The following STXBP5 variants were observed in gnomAD, a reference collection of about 807,000 sequenced individuals.
STXBP5 encodes syntaxin-binding protein 5.
In STXBP5, 50 loss-of-function variants were observed where a neutral mutation model predicts 152.4. The observed-to-expected ratio is 0.33, with a 90% CI of 0.26 to 0.42. STXBP5 has a LOEUF of 0.42. Ranked by LOEUF, STXBP5 falls within the 10% of genes least tolerant of loss-of-function variation. The probability of loss-of-function intolerance (pLI) is 1.00; values close to 1 mark genes in which losing one functional copy is unlikely to be tolerated. For missense variants in STXBP5, 1,167 were observed against 1,388.6 expected, an observed-to-expected ratio of 0.84 and a Z score of 2.54; for synonymous variants, 492 against 494.7, an observed-to-expected ratio of 0.99 and a Z score of 0.07.
intron 2 of STXBP5, among the ~76,000 whole-genome samples, chr6:147,213,064 C>T (rs1352560076): frequency 1.3e-5 from 2 of 152,038 alleles, no homozygotes; most frequent in Non-Finnish European, 2.9e-5. Context: ...GAGACTGTCT[C>T]TCTTGAATTG....
At chr6:147,373,663 A>T in intron 25 of STXBP5, 68 bp from the exon 26 acceptor site, 1 of 1,120,074 alleles carries the variant, frequency 8.9e-7, no homozygotes, top group Non-Finnish European at 1.4e-6. Context: ...GTTTACAGTG[A>T]TACTTTTGTT....
chr6:147,273,945 C>G (rs1272894126), intron 7 of STXBP5, among the ~76,000 whole-genome samples: 1 of 146,988 alleles, frequency 6.8e-6, no homozygotes, highest in African/African-American at 2.5e-5. Flanking sequence ...GAGCGAGACT[C>G]TGGCAAAAAA....
chr6:147,363,348 G>A lies in STXBP5; in HGVS notation c.2559G>A (p.Arg853=), dbSNP rs750530435. ...TCTATATTTTAGGTACTATATTGAG[G>A]TTAAAAGGTGCAATCTTGAGAATGG... ...VIVSPSGTIL[R]LKGAILRMAF... is the part of the protein sequence containing the mutation. Residue 853 remains arginine, a synonymous_variant, in exon 24 of 28, where the codon AGG becomes AGA. Transcript: ENST00000321680. 1 of 1,597,958 alleles carries A rather than the reference G, an allele frequency of 6.3e-7. No homozygotes were observed. Among genetic ancestry groups the A allele is most frequent in the East Asian group, 2.2e-5 (1 of 44,792 alleles).
At chr6:147,349,403 G>T (rs907622454) in intron 21 of STXBP5, among the ~76,000 whole-genome samples, 1 of 152,142 alleles carries the variant, frequency 6.6e-6, no homozygotes, top group Non-Finnish European at 1.5e-5. Context: ...TATCTTGCTC[G>T]TTCTAACAGT....
intron 4 of STXBP5, among the ~76,000 whole-genome samples, chr6:147,241,041 A>G (rs954199538): frequency 3.3e-5 from 5 of 152,198 alleles, no homozygotes; most frequent in Non-Finnish European, 5.9e-5. Flanking sequence ...TTACTGTATT[A>G]TGATACCCAA....
chr6:147,324,275 T>G (rs1207186260), intron 16 of STXBP5, among the ~76,000 whole-genome samples: 1 of 126,516 alleles, frequency 7.9e-6, no homozygotes, highest in East Asian at 2.1e-4. Flanking sequence ...TTTTTTTTTT[T>G]TTTTTTTTTT....
chr6:147,320,259 A>C (rs2128379716), intron 16 of STXBP5, among the ~76,000 whole-genome samples: 1 of 152,266 alleles, frequency 6.6e-6, no homozygotes, highest in African/African-American at 2.4e-5. Context: ...GTTTCCTGGT[A>C]CTGACTGACC....
intron 23 of STXBP5, 140 bp from the exon 24 acceptor site, chr6:147,363,195 A>T: frequency 1.1e-6 from 1 of 883,982 alleles, no homozygotes; most frequent in Non-Finnish European, 1.6e-6. Context: ...TTAAAGTCCG[A>T]ATCCTGTCAA....
intron 7 of STXBP5, 33 bp downstream of exon 7, chr6:147,267,200 C>T (rs770302779): frequency 7.2e-6 from 11 of 1,530,114 alleles, no homozygotes; most frequent in Non-Finnish European, 8.8e-6. Context: ...AAGCTATGGT[C>T]ATTTCTCTCA....
At chr6:147,226,461 C>T (rs1178097027) in intron 2 of STXBP5, among the ~76,000 whole-genome samples, 1 of 152,136 alleles carries the variant, frequency 6.6e-6, no homozygotes, top group Non-Finnish European at 1.5e-5. Context: ...TGTTTGAAGG[C>T]CTTCCACACT....
rs1782640481 is a variant in STXBP5, at chr6:147,316,265, G to C, written c.1660G>C (p.Val554Leu). The C allele has an allele frequency of 6.2e-7, 1 of 1,613,868 alleles. No homozygotes were observed. Among genetic ancestry groups the C allele is most frequent in the Non-Finnish European group, 8.5e-7 (1 of 1,179,986 alleles). ...EVRLLYEIND[V>L]ETPEGEQPPP... ...TCGATTATTATATGAGATAAATGAT[G>C]TGGAAACTCCGGAGGGTGAGCAGCC... The change falls in exon 16 of 28, where the codon GTG becomes CTG. Residue 554 changes from valine to leucine, a missense_variant. Around this residue, in one of 3 missense-constraint regions of STXBP5, gnomAD observed 833 missense variants for 986.3 expected, o/e 0.84. Transcript: ENST00000321680.
chr6:147,310,506 C>T (rs184451083), intron 10 of STXBP5, among the ~76,000 whole-genome samples: 12 of 148,954 alleles, frequency 8.1e-5, no homozygotes, highest in African/African-American at 2.2e-4. Flanking sequence ...TCTCCATAGA[C>T]GCACACACTC....
intron 2 of STXBP5, among the ~76,000 whole-genome samples, chr6:147,218,579 C>G (rs975092199): frequency 2.0e-5 from 3 of 151,976 alleles, no homozygotes; most frequent in Non-Finnish European, 2.9e-5. Context: ...CTCCTGGGCT[C>G]GAGCAATCCT....
At chr6:147,208,761 CTT>C (rs1471299944) in intron 2 of STXBP5, among the ~76,000 whole-genome samples, 2 of 152,048 alleles carry the variant, frequency 1.3e-5, no homozygotes, top group African/African-American at 4.8e-5. Flanking sequence ...TGTTAGAAGA[CTT>C]TACTAAATTG....
At chr6:147,280,343 G>C (rs772456120) in intron 8 of STXBP5, among the ~76,000 whole-genome samples, 4 of 152,010 alleles carry the variant, frequency 2.6e-5, no homozygotes, top group Non-Finnish European at 4.4e-5. Flanking sequence ...TGTTCTTTTT[G>C]CATCCTCTCA....
At chr6:147,305,159 A>G (rs1399782251) in intron 9 of STXBP5, among the ~76,000 whole-genome samples, 1 of 152,250 alleles carries the variant, frequency 6.6e-6, no homozygotes, top group Non-Finnish European at 1.5e-5. Context: ...ATCAAGACTG[A>G]GTGTAGACAC....
rs528526795 is a variant in STXBP5, at chr6:147,208,667, A to G, written c.248+2599A>G. 9.1e-4 allele frequency among the ~76,000 whole-genome samples: 138 copies of G among 152,260 alleles called. 1 individual carries two copies. The highest frequency in any genetic ancestry group is 1.4e-3 in the Admixed American group (21 of 15,292). On this transcript the variant is annotated intron_variant, in intron 2 of 27. Transcript: ENST00000321680. ...TAAAGTATTTTCCTTGCAGATTGAAAAGTAGGCGATGTTTTCAGAAGTAAG... is the reference window on the plus strand; with the variant it reads ...TAAAGTATTTTCCTTGCAGATTGAAGAGTAGGCGATGTTTTCAGAAGTAAG...
chr6:147,387,511 T>G lies in STXBP5; in HGVS notation c.*2756T>G, dbSNP rs914479871. Reference sequence around the variant, plus strand: ...GTTCATTTCAGTTTTCAAACTAAAATCCATATGTATTTGCTGAGAAAGTTA... The same window carrying G: ...GTTCATTTCAGTTTTCAAACTAAAAGCCATATGTATTTGCTGAGAAAGTTA... On this transcript the variant is annotated 3_prime_UTR_variant, in exon 28 of 28. Transcript: ENST00000321680. 1 of 151,824 alleles carries G rather than the reference T, an allele frequency of 6.6e-6. No individual in the cohort carries two copies. The highest frequency in any genetic ancestry group is 1.9e-4 in the East Asian group (1 of 5,168). 9.4% of individuals were successfully genotyped at this position (151,824 alleles called of 1,614,324 possible). A position where few individuals can be genotyped will look rare whatever the true frequency, so the allele number is the denominator to read the frequency against.
intron 25 of STXBP5, 25 bp from the exon 26 acceptor site, chr6:147,373,706 G>A: frequency 2.6e-6 from 4 of 1,565,920 alleles, no homozygotes; most frequent in Non-Finnish European, 3.5e-6. Context: ...AATTTCAACA[G>A]TGACAATTTG....
Sources: allele counts gnomAD v4.1 joint callset (sites outside exome capture counted in the v4.1 genomes callset), GRCh38; gene constraint gnomAD v4.1.1; regional missense constraint gnomAD v4.1.1; transcripts MANE v1.5; gene names NCBI Gene and HGNC (gene_info 2026-07-23, HGNC 2026-07-21).